GALNT13: variants seen among roughly 807,000 people sequenced by gnomAD.
The protein encoded by GALNT13 is UDP-GalNAc:polypeptide N-acetylgalactosaminyltransferase 13.
In GALNT13, 28 loss-of-function variants were observed where a neutral mutation model predicts 64.2. That is an observed-to-expected ratio of 0.44 (90% CI 0.32 to 0.60). GALNT13 has a LOEUF of 0.60. Among genes scored for constraint, GALNT13 ranks in the 20% least tolerant of loss-of-function variants. GALNT13 has a pLI of 0.05. For synonymous variants in GALNT13, 214 were observed against 224.6 expected (o/e 0.95, Z 0.42); for missense variants, 577 against 669.8 (o/e 0.86, Z 1.53).
intron 4 of GALNT13, among the ~76,000 whole-genome samples, chr2:154,179,956 G>C (rs191607181): frequency 5.1e-4 from 78 of 152,124 alleles, no homozygotes; most frequent in Non-Finnish European, 9.3e-4. Context: ...TTTCTCTATA[G>C]CTGACTTAGA....
the GALNT13 span, among the ~76,000 whole-genome samples, chr2:153,355,106 T>C: frequency 6.6e-6 from 1 of 152,162 alleles, no homozygotes; most frequent in Non-Finnish European, 1.5e-5. Context: ...AAATATCACG[T>C]TATTCAATAG....
chr2:153,145,751 T>C, the GALNT13 span, among the ~76,000 whole-genome samples: 13 of 151,872 alleles, frequency 8.6e-5, no homozygotes, highest in Non-Finnish European at 1.8e-4. Context: ...ATTATGGGCA[T>C]ATGTGCTCTG....
At chr2:153,593,978 A>T in the GALNT13 span, among the ~76,000 whole-genome samples, 2 of 152,158 alleles carry the variant, frequency 1.3e-5, no homozygotes, top group African/African-American at 4.8e-5. Flanking sequence ...AATCTGACCC[A>T]CATTGACAAT....
intron 2 of GALNT13, among the ~76,000 whole-genome samples, chr2:153,905,474 A>G (rs931929682): frequency 2.6e-5 from 4 of 152,000 alleles, no homozygotes; most frequent in African/African-American, 7.2e-5. Context: ...AATTATAACA[A>G]TATACTGTAA....
At chr2:153,476,832 C>T in the GALNT13 span, among the ~76,000 whole-genome samples, 1 of 152,178 alleles carries the variant, frequency 6.6e-6, no homozygotes. Context: ...CACTGTGTAC[C>T]TTAGCAGCTA....
At chr2:153,232,503 T>C in the GALNT13 span, among the ~76,000 whole-genome samples, 943 of 152,334 alleles carry the variant, frequency 6.2e-3, 5 homozygotes, top group South Asian at 0.014. Flanking sequence ...CCAGTTATAA[T>C]TTAAGACCTC....
the GALNT13 span, among the ~76,000 whole-genome samples, chr2:153,580,016 A>AT: frequency 6.6e-6 from 1 of 152,126 alleles, no homozygotes; most frequent in Non-Finnish European, 1.5e-5. Context: ...GCCTAATTCT[A>AT]TTTTTGTGAT....
chr2:153,879,161 C>G (rs1373190813), intron 1 of GALNT13, among the ~76,000 whole-genome samples: 1 of 152,024 alleles, frequency 6.6e-6, no homozygotes, highest in Non-Finnish European at 1.5e-5. Context: ...TTACTATGCC[C>G]CAGAGTTGTT....
At chr2:153,524,761 A>G in the GALNT13 span, among the ~76,000 whole-genome samples, 1 of 152,298 alleles carries the variant, frequency 6.6e-6, no homozygotes, top group East Asian at 1.9e-4. Flanking sequence ...TACAAGCCTG[A>G]TCACCATGGG....
chr2:154,199,866 T>C (rs908514103), intron 4 of GALNT13, among the ~76,000 whole-genome samples: 1 of 152,080 alleles, frequency 6.6e-6, no homozygotes, highest in Non-Finnish European at 1.5e-5. Context: ...TCTTGAATTT[T>C]CTAAGACTTA....
At chr2:153,443,947 G>A in the GALNT13 span, among the ~76,000 whole-genome samples, 1 of 151,806 alleles carries the variant, frequency 6.6e-6, no homozygotes, top group Non-Finnish European at 1.5e-5. Context: ...TTCTCATAAG[G>A]GCCTTCCCAT....
intron 3 of GALNT13, among the ~76,000 whole-genome samples, chr2:154,072,117 T>C (rs1426867944): frequency 6.6e-6 from 1 of 152,088 alleles, no homozygotes; most frequent in Non-Finnish European, 1.5e-5. Context: ...GATAAAACTA[T>C]GGAAAACATG....
At chr2:153,072,799 T>A in the GALNT13 span, among the ~76,000 whole-genome samples, 1 of 152,214 alleles carries the variant, frequency 6.6e-6, no homozygotes. Context: ...TAATAACTAT[T>A]CATCCTTTGC....
chr2:153,678,685 G>T, the GALNT13 span, among the ~76,000 whole-genome samples: 13 of 151,760 alleles, frequency 8.6e-5, 1 homozygote, highest in Non-Finnish European at 1.5e-5. Flanking sequence ...AGTTGGAAAG[G>T]GGGGAAAAAA....
At chr2:153,826,768 G>A in the GALNT13 span, among the ~76,000 whole-genome samples, 1 of 152,028 alleles carries the variant, frequency 6.6e-6, no homozygotes, top group East Asian at 1.9e-4. Flanking sequence ...AGAGATACAG[G>A]GGGCTTGGAC....
chr2:154,035,493 T>C (rs1222866542), intron 3 of GALNT13, among the ~76,000 whole-genome samples: 2 of 152,082 alleles, frequency 1.3e-5, no homozygotes, highest in African/African-American at 4.8e-5. Context: ...ATAGCAAATG[T>C]CTAGCATGCT....
the GALNT13 span, among the ~76,000 whole-genome samples, chr2:153,544,918 G>A: frequency 5.3e-5 from 8 of 152,144 alleles, no homozygotes; most frequent in Non-Finnish European, 8.8e-5. Flanking sequence ...TGCAAACATT[G>A]AGGGATATCC....
chr2:153,388,403 A>G, the GALNT13 span, among the ~76,000 whole-genome samples: 3 of 152,176 alleles, frequency 2.0e-5, no homozygotes, highest in South Asian at 6.2e-4. Flanking sequence ...TCATGAGACG[A>G]CTTCCCTCAG....
intron 4 of GALNT13, among the ~76,000 whole-genome samples, chr2:154,199,664 C>A (rs1687067904): frequency 1.3e-5 from 2 of 151,582 alleles, no homozygotes; most frequent in South Asian, 4.2e-4. Flanking sequence ...TAGAATTTAT[C>A]TATTAGTAAA....
Sources: gnomAD v4.1 joint callset for allele counts (sites outside exome capture counted in the v4.1 genomes callset) on GRCh38, gnomAD v4.1.1 for gene constraint, MANE v1.5 for transcripts, NCBI Gene and HGNC (gene_info 2026-07-23, HGNC 2026-07-21) for gene names.